The following LRFN2 variants were observed in gnomAD, a reference collection of about 807,000 sequenced individuals.
LRFN2 encodes the protein leucine rich repeat and fibronectin type III domain containing 2.
A neutral mutation model predicts 37.3 loss-of-function variants in LRFN2; 18 were observed. That is an observed-to-expected ratio of 0.48 (90% CI 0.33 to 0.72). The LOEUF (loss-of-function observed/expected upper bound fraction) is 0.72. Among genes scored for constraint, LRFN2 ranks in the 30% least tolerant of loss-of-function variants. The pLI, the probability that LRFN2 is intolerant of heterozygous loss-of-function variation, is 0.02. For synonymous variants in LRFN2, 556 were observed against 466.6 expected, an observed-to-expected ratio of 1.19 and a Z score of -2.47; for missense variants, 1,006 against 1,060.7, an observed-to-expected ratio of 0.95 and a Z score of 0.72.
chr6:40,473,387 C>G (rs796466687), intron 1 of LRFN2, among the ~76,000 whole-genome samples: 2 of 152,200 alleles, frequency 1.3e-5, no homozygotes, highest in Non-Finnish European at 2.9e-5. Flanking sequence ...TCCAGCCCAG[C>G]CATCTTCTAG....
chr6:40,404,547 G>A (rs1350980798), intron 2 of LRFN2, among the ~76,000 whole-genome samples: 1 of 152,156 alleles, frequency 6.6e-6, no homozygotes, highest in East Asian at 1.9e-4. Flanking sequence ...AGTCACATGG[G>A]GCTAGTGGCT....
At chr6:40,420,233 C>T (rs1225824001) in intron 2 of LRFN2, among the ~76,000 whole-genome samples, 4 of 152,234 alleles carry the variant, frequency 2.6e-5, no homozygotes, top group Non-Finnish European at 4.4e-5. Flanking sequence ...GGTGGCCCAT[C>T]GCGTCCTGTG....
intron 1 of LRFN2, among the ~76,000 whole-genome samples, chr6:40,463,924 C>T (rs1473068892): frequency 6.6e-6 from 1 of 152,142 alleles, no homozygotes; most frequent in Admixed American, 6.5e-5. Context: ...GCCATCACAC[C>T]ATTTCTTATC....
chr6:40,439,075 G>C (rs1184880952), intron 1 of LRFN2, among the ~76,000 whole-genome samples: 1 of 152,084 alleles, frequency 6.6e-6, no homozygotes, highest in African/African-American at 2.4e-5. Flanking sequence ...CCCTCCCTGG[G>C]CTCTGCCTCC....
chr6:40,423,578 A>G (rs1763279341), intron 2 of LRFN2, among the ~76,000 whole-genome samples: 1 of 152,234 alleles, frequency 6.6e-6, no homozygotes, highest in African/African-American at 2.4e-5. Context: ...CAGGACTAGT[A>G]AATGATGGAG....
chr6:40,407,911 C>T (rs1301471928), intron 2 of LRFN2: 1 of 152,194 alleles, frequency 6.6e-6, no homozygotes, highest in Non-Finnish European at 1.5e-5. Flanking sequence ...CAGCATGGCC[C>T]CTGCAGAAAG....
At chr6:40,508,694 A>G (rs1331583152) in intron 1 of LRFN2, among the ~76,000 whole-genome samples, 5 of 152,224 alleles carry the variant, frequency 3.3e-5, no homozygotes, top group Admixed American at 3.3e-4. Context: ...AAAAGACTTA[A>G]TACATGTAAG....
At chr6:40,562,960 T>C (rs1419002164) in intron 1 of LRFN2, among the ~76,000 whole-genome samples, 1 of 151,996 alleles carries the variant, frequency 6.6e-6, no homozygotes, top group Non-Finnish European at 1.5e-5. Context: ...GGGCTGGCCA[T>C]GGCGGTGTGG....
intron 1 of LRFN2, among the ~76,000 whole-genome samples, chr6:40,577,103 C>CTT (rs1378101431): frequency 1.7e-5 from 2 of 116,628 alleles, no homozygotes; most frequent in Admixed American, 8.3e-5. Flanking sequence ...CTTTTCTTTT[C>CTT]CTTTCTTTTC....
At chr6:40,504,128 A>C (rs1422673509) in intron 1 of LRFN2, among the ~76,000 whole-genome samples, 1 of 152,204 alleles carries the variant, frequency 6.6e-6, no homozygotes, top group African/African-American at 2.4e-5. Flanking sequence ...AGACAGCAGA[A>C]GAGACCCGCC....
chr6:40,540,574 G>A (rs902714779), intron 1 of LRFN2, among the ~76,000 whole-genome samples: 2 of 152,176 alleles, frequency 1.3e-5, no homozygotes, highest in African/African-American at 4.8e-5. Context: ...TGCTGTGACT[G>A]GCAGCATGGG....
intron 1 of LRFN2, among the ~76,000 whole-genome samples, chr6:40,562,387 G>T (rs1384346603): frequency 6.6e-6 from 1 of 152,038 alleles, no homozygotes; most frequent in South Asian, 2.1e-4. Context: ...TCCTGGGGTT[G>T]GATGAGTAGG....
At chr6:40,542,530 C>T (rs563552806) in intron 1 of LRFN2, among the ~76,000 whole-genome samples, 2 of 152,138 alleles carry the variant, frequency 1.3e-5, no homozygotes, top group East Asian at 3.9e-4. Context: ...CCCTGGGCAG[C>T]AGTGGCTTCC....
At chr6:40,414,089 C>T (rs1375215403) in intron 2 of LRFN2, among the ~76,000 whole-genome samples, 1 of 152,218 alleles carries the variant, frequency 6.6e-6, no homozygotes, top group Admixed American at 6.5e-5. Flanking sequence ...CTTTGGAGCA[C>T]AACAGGCCTG....
At chr6:40,439,475 T>TGGGGG (rs1763779185) in intron 1 of LRFN2, among the ~76,000 whole-genome samples, 2 of 152,130 alleles carry the variant, frequency 1.3e-5, no homozygotes, top group Admixed American at 1.3e-4. Flanking sequence ...GAAAGGAAAC[T>TGGGGG]TGAGTTCCAC....
At chr6:40,447,959 C>A (rs1764009753) in intron 1 of LRFN2, among the ~76,000 whole-genome samples, 1 of 152,220 alleles carries the variant, frequency 6.6e-6, no homozygotes, top group Non-Finnish European at 1.5e-5. Flanking sequence ...ACTTTATAAT[C>A]AAGCACTGAT....
At chr6:40,427,918 C>T (rs1015160278) in intron 2 of LRFN2, among the ~76,000 whole-genome samples, 2 of 152,202 alleles carry the variant, frequency 1.3e-5, no homozygotes, top group Non-Finnish European at 2.9e-5. Flanking sequence ...GTGATGCAGG[C>T]CTGTTGGGCT....
intron 1 of LRFN2, among the ~76,000 whole-genome samples, chr6:40,464,197 T>C (rs562319030): frequency 1.6e-4 from 25 of 152,314 alleles, no homozygotes; most frequent in African/African-American, 6.0e-4. Flanking sequence ...CAAGGACTGG[T>C]GTGTTTTTCA....
chr6:40,501,569 C>G (rs1440413985), intron 1 of LRFN2: 2 of 151,908 alleles, frequency 1.3e-5, no homozygotes, highest in Non-Finnish European at 2.9e-5. Context: ...TTCGAGCAAT[C>G]CTCCTGCCTT....
Sources: gnomAD v4.1 joint callset for allele counts (sites outside exome capture counted in the v4.1 genomes callset) on GRCh38, gnomAD v4.1.1 for gene constraint, MANE v1.5 for transcripts, NCBI Gene and HGNC (gene_info 2026-07-23, HGNC 2026-07-21) for gene names.